Variants in EFCAB7 observed in about 807,000 individuals in gnomAD.
EFCAB7 encodes EF-hand calcium-binding domain-containing protein 7.
Under a neutral mutation model 77.1 loss-of-function variants are expected in EFCAB7, and 66 were observed. The observed-to-expected ratio is 0.86, with a 90% CI of 0.70 to 1.05. The LOEUF (loss-of-function observed/expected upper bound fraction) is 1.05, where lower values mean the gene tolerates loss of function less well. Ranked by LOEUF, EFCAB7 falls within the 50% of genes least tolerant of loss-of-function variation. The pLI is 0.00. For synonymous variants in EFCAB7, 225 were observed against 243.3 expected (o/e 0.92, Z 0.70); for missense variants, 638 against 730.5 (o/e 0.87, Z 1.46).
intron 11 of EFCAB7, among the ~76,000 whole-genome samples, chr1:63,567,792 GTAAAAAGACTAAGGTAGA>G (rs1451607055): frequency 6.6e-6 from 1 of 152,098 alleles, no homozygotes; most frequent in African/African-American, 2.4e-5. Flanking sequence ...GTAGGCTGTG[GTAAAAAGACTAAGGTAGA>G]TATTAGAAAA....
chr1:63,571,159 T>C (rs778970551), intron 13 of EFCAB7, 31 bp downstream of exon 13: 1 of 1,523,120 alleles, frequency 6.6e-7, no homozygotes, highest in Non-Finnish European at 9.0e-7. Context: ...TAAAGCCTTT[T>C]GTTTTATGTC....
In EFCAB7 at chr1:63,546,051, G is replaced by C; in HGVS notation, c.940G>C (p.Val314Leu). The change falls in exon 7 of 14, where the codon GTT (valine) becomes CTT (leucine). Residue 314 changes from valine (V) to leucine (L), a missense_variant. Transcript: ENST00000371088. ...AATTAAGCCATTAAACCTGAGTCAAGTTGAAGGCAAGTTTAAGTTTTTTGT... is the reference window on the plus strand; with the variant it reads ...AATTAAGCCATTAAACCTGAGTCAACTTGAAGGCAAGTTTAAGTTTTTTGT... ...LTIKPLNLSQ[V>L]EGKPSPWLSV... 3 of 1,604,162 alleles carry C rather than the reference G, an allele frequency of 1.9e-6. No homozygotes were observed.
At chr1:63,551,887 G>A in intron 8 of EFCAB7, 53 bp downstream of exon 8, 1 of 1,155,878 alleles carries the variant, frequency 8.7e-7, no homozygotes, top group South Asian at 1.8e-5. Flanking sequence ...ATGAACTGCA[G>A]TTTGGGGAAA....
intron 6 of EFCAB7, among the ~76,000 whole-genome samples, chr1:63,545,428 T>A (rs1646885390): frequency 6.6e-6 from 1 of 152,180 alleles, no homozygotes; most frequent in Non-Finnish European, 1.5e-5. Context: ...ATTTTCCATG[T>A]ATAATTATCT....
chr1:63,528,708 A>G (rs1419257965), intron 2 of EFCAB7, among the ~76,000 whole-genome samples: 2 of 152,170 alleles, frequency 1.3e-5, no homozygotes, highest in Non-Finnish European at 2.9e-5. Context: ...AAAGATTTAA[A>G]AAAAAGAACC....
At chr1:63,537,065 G>C (rs1167858412) in intron 6 of EFCAB7, among the ~76,000 whole-genome samples, 1 of 152,128 alleles carries the variant, frequency 6.6e-6, no homozygotes, top group Admixed American at 6.6e-5. Context: ...TAAAGGACTT[G>C]AATTACAAAA....
At chr1:63,535,529 T>A (rs1646752615) in intron 6 of EFCAB7, among the ~76,000 whole-genome samples, 1 of 152,086 alleles carries the variant, frequency 6.6e-6, no homozygotes, top group African/African-American at 2.4e-5. Flanking sequence ...TGGGTAGAGA[T>A]CTACCTGGGC....
At position 63,525,671 on chromosome 1, in the gene EFCAB7, A is replaced by AAT. The variant is rs1646576460; in HGVS notation, c.102_103dup (p.Phe35TyrfsTer4). The AAT allele has an allele frequency of 1.2e-6, 2 of 1,601,580 alleles. No homozygotes were observed. Among genetic ancestry groups the AAT allele is most frequent in the African/African-American group, 2.7e-5 (2 of 73,734 alleles). On this transcript the variant is annotated frameshift_variant, in exon 2 of 14. Transcript: ENST00000371088. LOFTEE classifies it high-confidence loss of function. ...AGAAATTTCCACTAACTGAAGAGGA[A>AAT]ATATTTTATATGAATTGTAGAGCTG...
chr1:63,562,500 T>C (rs1240136210), intron 11 of EFCAB7, among the ~76,000 whole-genome samples: 2 of 68,174 alleles, frequency 2.9e-5, no homozygotes, highest in African/African-American at 2.3e-4. Context: ...TATATAAAAC[T>C]TTTTTTTTTT....
At chr1:63,578,566 C>T in the EFCAB7 span, among the ~76,000 whole-genome samples, 3 of 152,024 alleles carry the variant, frequency 2.0e-5, no homozygotes, top group East Asian at 1.9e-4. Context: ...CTCAGCCTCC[C>T]GAGTAGCTGG....
chr1:63,547,864 AG>A (rs1646918223), intron 7 of EFCAB7: 1 of 152,246 alleles, frequency 6.6e-6, no homozygotes, highest in Non-Finnish European at 1.5e-5. Flanking sequence ...TTGGCACAAT[AG>A]GATCTCCTGA....
intron 1 of EFCAB7, among the ~76,000 whole-genome samples, 180 bp downstream of exon 1, chr1:63,523,814 C>T (rs17125099): frequency 0.14 from 20,977 of 152,176 alleles, 1,565 homozygotes; most frequent in Middle Eastern, 0.25. Context: ...AGAGATGGTG[C>T]CCGAGATTAC....
chr1:63,545,918 C>T lies in EFCAB7; in HGVS notation c.807C>T (p.Asp269=). 3 of 1,612,988 alleles carry T rather than the reference C, an allele frequency of 1.9e-6. No homozygotes were observed. In the Admixed American group the frequency reaches 5.0e-5, roughly 27 times the overall value. ...AATAATTTTTTCCTTCATTTCAGGA[C>T]TGGCAACACATGCAATCAAAAGGTT... ...SKLMEPNLIK[D]WQHMQSKGCF... is the part of the protein sequence containing the mutation. The change falls in exon 7 of 14, where the codon GAC becomes GAT. Residue 269 remains aspartate, a splice_region_variant and synonymous_variant. Coordinates refer to ENST00000371088, the MANE Select transcript of EFCAB7 (RefSeq NM_032437.4).
At chr1:63,536,553 G>C (rs1646765451) in intron 6 of EFCAB7, among the ~76,000 whole-genome samples, 1 of 151,964 alleles carries the variant, frequency 6.6e-6, no homozygotes, top group African/African-American at 2.4e-5. Context: ...GATAATTTTT[G>C]TGTTTTTAGT....
At chr1:63,562,449 TTATATATA>T (rs869302346) in intron 11 of EFCAB7, among the ~76,000 whole-genome samples, 149 of 22,476 alleles carry the variant, frequency 6.6e-3, no homozygotes, top group South Asian at 0.03. Flanking sequence ...CTTAATTTAT[TTATATATA>T]TATATATATA....
chr1:63,571,387 C>G (rs1436455349), intron 13 of EFCAB7, among the ~76,000 whole-genome samples: 2 of 151,938 alleles, frequency 1.3e-5, no homozygotes, highest in Non-Finnish European at 2.9e-5. Context: ...AAGATAATAT[C>G]ACTAGGCCGG....
In EFCAB7 at chr1:63,531,808, C is replaced by G; in HGVS notation, c.188-12C>G. The G allele has an allele frequency of 6.2e-7, 1 of 1,608,242 alleles. No homozygotes were observed. The highest frequency in any genetic ancestry group is 8.5e-7 in the Non-Finnish European group (1 of 1,177,824). ...TGTTACAATCACAAATAATACTTGT[C>G]TTGTTGGGCAGCTCTTCAGCATGCA... On this transcript the variant is annotated splice_polypyrimidine_tract_variant and intron_variant, in intron 2 of 13. Transcript: ENST00000371088.
intron 1 of EFCAB7, 121 bp from the exon 2 acceptor site, chr1:63,525,451 G>A (rs1037380007): frequency 4.1e-6 from 3 of 727,124 alleles, no homozygotes; most frequent in African/African-American, 1.9e-5. Flanking sequence ...TTTCATATAT[G>A]TTATAAATTT....
chr1:63,568,568 TA>T lies in EFCAB7; in HGVS notation c.1707+50del, dbSNP rs749466152. The T allele has an allele frequency of 4.9e-6, 7 of 1,428,404 alleles. No individual in the cohort carries two copies. The East Asian group carries it at 1.6e-4, about 33-fold the overall frequency. 88.5% of individuals were successfully genotyped at this position (1,428,404 alleles called of 1,614,324 possible). A position where few individuals can be genotyped will look rare whatever the true frequency, so the allele number is the denominator to read the frequency against. The stretch of plus-strand genomic sequence containing the variant: ...CTCATTTTGCTACAAAGCTTACTAA[TA>T]TATTTCATCTTATTCCTTACTCTAT... On this transcript the variant is annotated intron_variant, in intron 12 of 13. Coordinates refer to ENST00000371088, the MANE Select transcript of EFCAB7 (RefSeq NM_032437.4).
Sources: gnomAD v4.1 joint callset for allele counts (sites outside exome capture counted in the v4.1 genomes callset) on GRCh38, gnomAD v4.1.1 for gene constraint, MANE v1.5 for transcripts, NCBI Gene and HGNC (gene_info 2026-07-23, HGNC 2026-07-21) for gene names.